KLC2: variants seen among roughly 807,000 people sequenced by gnomAD.
KLC2 encodes the protein KLC 2.
Under a neutral mutation model 75.1 loss-of-function variants are expected in KLC2, and 35 were observed. The ratio of observed to expected loss-of-function variants is 0.47; its 90% CI spans 0.36 to 0.62. The LOEUF (loss-of-function observed/expected upper bound fraction) is 0.62, where lower values mean the gene tolerates loss of function less well. Among genes scored for constraint, KLC2 ranks in the 20% least tolerant of loss-of-function variants. The pLI is 0.00. For synonymous variants in KLC2, 314 were observed against 336.7 expected (o/e 0.93, Z 0.74); for missense variants, 611 against 833.2 (o/e 0.73, Z 3.28).
chr11:66,244,484 C>G, the KLC2 span: 4 of 152,588 alleles, frequency 2.6e-5, no homozygotes, highest in East Asian at 1.9e-4. Flanking sequence ...CTGCACCCCC[C>G]AGCCCGGCCA....
chr11:66,253,988 C>T (rs908408992), upstream of KLC2, among the ~76,000 whole-genome samples: 2 of 152,228 alleles, frequency 1.3e-5, no homozygotes, highest in Admixed American at 6.5e-5. Flanking sequence ...CAGTGGCTCA[C>T]GCCTGTAATC....
chr11:66,261,809 T>A lies in KLC2; in HGVS notation c.296T>A (p.Val99Glu). ...ESEKQKLRAQ[V>E]RRLVQENQWL... Reference sequence around the variant, plus strand: ...GAGAAGCAGAAGCTGCGGGCGCAGGTGCGGCGTCTGGTGCAGGAGAACCAG... The same window carrying A: ...GAGAAGCAGAAGCTGCGGGCGCAGGAGCGGCGTCTGGTGCAGGAGAACCAG... The change falls in exon 3 of 16, where the codon GTG (valine) becomes GAG (glutamate). Residue 99 changes from valine (V) to glutamate (E), a missense_variant. By Grantham distance (121) the Val-to-Glu change is moderately radical. Coordinates refer to ENST00000394067, the MANE Select transcript of KLC2 (RefSeq NM_001318734.2). 1 of 1,613,108 alleles carries A rather than the reference T, an allele frequency of 6.2e-7. No homozygotes were observed. The highest frequency in any genetic ancestry group is 8.5e-7 in the Non-Finnish European group (1 of 1,179,974).
In KLC2 at chr11:66,267,420, G is replaced by C; in HGVS notation, c.*464G>C. ...GGCCTCCCCTCGTCCCTCTTCTAGT[G>C]GTACCGCCCAGGCCTTAATCACCCC... On this transcript the variant is annotated 3_prime_UTR_variant, in exon 16 of 16. Transcript: ENST00000394067. The C allele has an allele frequency of 1.4e-6, 1 of 717,656 alleles. No homozygotes were observed. The highest frequency in any genetic ancestry group is 2.6e-6 in the Non-Finnish European group (1 of 385,284). The allele number at this position is 717,656 out of a possible 1,614,324, so 44.5% of individuals were successfully genotyped here.
chr11:66,250,890 C>T, the KLC2 span, among the ~76,000 whole-genome samples: 4 of 152,196 alleles, frequency 2.6e-5, no homozygotes, highest in South Asian at 2.1e-4. Flanking sequence ...TGAGGAACCT[C>T]GTAGCTGTTA....
chr11:66,266,792 G>T, intron 15 of KLC2, 81 bp from the exon 16 acceptor site: 1 of 1,448,512 alleles, frequency 6.9e-7, no homozygotes, highest in Non-Finnish European at 9.7e-7. Context: ...GGCTGCCTCT[G>T]CCAGGTCAGA....
At chr11:66,245,208 C>G in the KLC2 span, 3 of 152,254 alleles carry the variant, frequency 2.0e-5, no homozygotes, top group East Asian at 5.8e-4. Flanking sequence ...AGCCACTGTC[C>G]CCTGGGTGCC....
upstream of KLC2, among the ~76,000 whole-genome samples, chr11:66,256,307 G>A (rs537101433): frequency 1.6e-4 from 24 of 152,144 alleles, no homozygotes; most frequent in Non-Finnish European, 2.9e-4. Context: ...GCTATGATGG[G>A]AAGATTTTGT....
rs1342712902 is a variant in KLC2 at position 66,264,094 on chromosome 11, G to A, written c.991G>A (p.Ala331Thr). ...PDVAKQLSNL[A>T]LLCQNQGKAE... ...TGTGGCCAAGCAGCTCAGCAACCTG[G>A]CCCTGCTGTGCCAGAACCAGGGCAA... The change falls in exon 8 of 16, where the codon GCC becomes ACC. Residue 331 changes from alanine to threonine, a missense_variant. Transcript: ENST00000394067. 1 of 1,605,250 alleles carries A rather than the reference G, an allele frequency of 6.2e-7. No individual in the cohort carries two copies. Among genetic ancestry groups the A allele is most frequent in the Non-Finnish European group, 8.5e-7 (1 of 1,175,288 alleles).
rs199702246 is a variant in KLC2, at chr11:66,265,979, C to T, written c.1569C>T (p.Leu523=). Residue 523 remains leucine, a synonymous_variant, in exon 13 of 16, where the codon CTC becomes CTT. Coordinates refer to ENST00000394067, the MANE Select transcript of KLC2 (RefSeq NM_001318734.2). Reference sequence around the variant, plus strand: ...CCGGGCCTCGGTCTGAGTCTGACCTCGAGGACGTGGGACCTACAGCTGAGT... The same window carrying T: ...CCGGGCCTCGGTCTGAGTCTGACCTTGAGGACGTGGGACCTACAGCTGAGT... ...GGAGPRSESD[L]EDVGPTAEWN... The T allele has an allele frequency of 7.5e-6, 12 of 1,610,100 alleles. No homozygotes were observed. Among genetic ancestry groups the T allele is most frequent in the East Asian group, 2.2e-5 (1 of 44,776 alleles).
At chr11:66,262,737 C>G in intron 4 of KLC2, 77 bp from the exon 5 acceptor site, 1 of 1,098,694 alleles carries the variant, frequency 9.1e-7, no homozygotes, top group Non-Finnish European at 1.3e-6. Flanking sequence ...TCAAGTGGCT[C>G]AAAGGCACAG....
chr11:66,247,508 T>C, the KLC2 span, among the ~76,000 whole-genome samples: 1 of 152,188 alleles, frequency 6.6e-6, no homozygotes, highest in Admixed American at 6.5e-5. Context: ...CTCAGGGCCT[T>C]TGCACGGACC....
chr11:66,265,839 C>CT lies in KLC2; in HGVS notation c.1444-14dup, dbSNP rs1856784064. ...GTGGTCCATTCACTGCCTGATGCCC[C>CT]TGCCCCTCCCTCAGGGTTTGGACCC... On this transcript the variant is annotated splice_polypyrimidine_tract_variant and intron_variant, in intron 12 of 15. Coordinates refer to ENST00000394067, the MANE Select transcript of KLC2 (RefSeq NM_001318734.2). 1.3e-6 allele frequency: 2 copies of CT among 1,579,954 alleles called. No individual in the cohort carries two copies. The highest frequency in any genetic ancestry group is 1.7e-6 in the Non-Finnish European group (2 of 1,158,510).
chr11:66,266,553 A>G (rs1856840880), intron 15 of KLC2, 63 bp downstream of exon 15: 1 of 1,476,912 alleles, frequency 6.8e-7, no homozygotes, highest in Non-Finnish European at 9.5e-7. Flanking sequence ...CGTGCTGCCA[A>G]GCTTCCCTCC....
intron 15 of KLC2, 91 bp from the exon 16 acceptor site, chr11:66,266,782 G>C: frequency 5.9e-6 from 8 of 1,355,246 alleles, no homozygotes; most frequent in Non-Finnish European, 7.4e-6. Flanking sequence ...CAGGGATTCC[G>C]GCTGCCTCTG....
intron 2 of KLC2, among the ~76,000 whole-genome samples, chr11:66,259,033 G>A (rs1025782141): frequency 6.6e-6 from 1 of 152,100 alleles, no homozygotes; most frequent in African/African-American, 2.4e-5. Context: ...TTGCCCCCAC[G>A]CAGAGCCCCA....
Position 66,267,241 on chromosome 11 carries a change from C to A in KLC2, c.*285C>A. ...GAGTCTCCACCATAGACTCAGTGGCCTGGCCTCCCCAGACCCCAGAGCCAA... is the reference window on the plus strand; with the variant it reads ...GAGTCTCCACCATAGACTCAGTGGCATGGCCTCCCCAGACCCCAGAGCCAA... On this transcript the variant is annotated 3_prime_UTR_variant, in exon 16 of 16. Transcript: ENST00000394067. 6.8e-7 allele frequency: 1 copy of A among 1,476,158 alleles called. No individual in the cohort carries two copies. The highest frequency in any genetic ancestry group is 9.3e-7 in the Non-Finnish European group (1 of 1,079,092). The allele number at this position is 1,476,158 out of a possible 1,614,324, so 91.4% of individuals were successfully genotyped here.
the KLC2 span, among the ~76,000 whole-genome samples, chr11:66,246,843 C>G: frequency 6.6e-6 from 1 of 152,166 alleles, no homozygotes; most frequent in Non-Finnish European, 1.5e-5. Flanking sequence ...TGAGTCTTTC[C>G]ACCTGGCCTG....
At position 66,264,054 on chromosome 11, in the gene KLC2, C is replaced by A; in HGVS notation, c.951C>A (p.Gly317=). 6.2e-7 allele frequency: 1 copy of A among 1,607,520 alleles called. No homozygotes were observed. The highest frequency in any genetic ancestry group is 1.7e-5 in the Admixed American group (1 of 58,886). The change falls in exon 8 of 16, where the codon GGC becomes GGA. Residue 317 remains glycine, a synonymous_variant. Coordinates refer to ENST00000394067, the MANE Select transcript of KLC2 (RefSeq NM_001318734.2). ...RALEIREKVL[G]KFHPDVAKQL... is the part of the protein sequence containing the mutation. ...TCCCTCTCCCATCCCAGGTCCTGGG[C>A]AAGTTTCACCCAGATGTGGCCAAGC...
At chr11:66,265,259 G>T in intron 11 of KLC2, 24 bp downstream of exon 11, 1 of 1,587,050 alleles carries the variant, frequency 6.3e-7, no homozygotes, top group Non-Finnish European at 8.7e-7. Flanking sequence ...GGCTGGGCTG[G>T]GGAGCAGGGC....
Sources: gnomAD v4.1 joint callset for allele counts (sites outside exome capture counted in the v4.1 genomes callset) on GRCh38, gnomAD v4.1.1 for gene constraint, MANE v1.5 for transcripts, NCBI Gene and HGNC (gene_info 2026-07-23, HGNC 2026-07-21) for gene names.